The following COL5A1 variants were observed in gnomAD, a reference collection of about 807,000 sequenced individuals.
The protein encoded by COL5A1 is collagen alpha-1(V) chain.
Under a neutral mutation model 263.7 loss-of-function variants are expected in COL5A1, and 16 were observed. The ratio of observed to expected loss-of-function variants is 0.06; its 90% CI spans 0.04 to 0.09. The LOEUF (loss-of-function observed/expected upper bound fraction) is 0.09. COL5A1 is among the 10% of genes least tolerant of loss of function. The pLI is 1.00. For missense variants in COL5A1, 2,036 were observed against 2,540.5 expected, an observed-to-expected ratio of 0.80 and a Z score of 4.27; for synonymous variants, 1,012 against 1,004.5, an observed-to-expected ratio of 1.01 and a Z score of -0.14.
intron 61 of COL5A1, 100 bp downstream of exon 61, chr9:134,823,569 A>C: frequency 3.9e-6 from 5 of 1,266,684 alleles, no homozygotes; most frequent in Admixed American, 3.6e-5. Context: ...CCTGAGACTC[A>C]TGAAGCCCAT....
chr9:134,751,003 A>C lies in COL5A1; in HGVS notation c.1662+121A>C, dbSNP rs1485830762. 27 of 872,580 alleles carry C rather than the reference A, an allele frequency of 3.1e-5. No individual in the cohort carries two copies. The Middle Eastern group carries it at 1.2e-3, about 39-fold the overall frequency. 54.1% of individuals were successfully genotyped at this position (872,580 alleles called of 1,614,324 possible). A position where few individuals can be genotyped will look rare whatever the true frequency, so the allele number is the denominator to read the frequency against. On this transcript the variant is annotated intron_variant, in intron 13 of 65. Coordinates refer to ENST00000371817, the MANE Select transcript of COL5A1 (RefSeq NM_000093.5). ...AGGGAAGCAGCTGTCTTGATCCCAG[A>C]ATGCCTGCTTGCTGGGGTCAGGAGC...
intron 1 of COL5A1, chr9:134,653,059 G>A (rs917550278): frequency 9.4e-6 from 2 of 213,064 alleles, no homozygotes; most frequent in East Asian, 1.4e-4. Flanking sequence ...GGGGAGAAGC[G>A]CTGGAGAGAA....
chr9:134,789,049 G>A lies in COL5A1; in HGVS notation c.2647-106G>A, dbSNP rs992150150. 1.3e-5 allele frequency: 13 copies of A among 984,700 alleles called. No homozygotes were observed. Among genetic ancestry groups the A allele is most frequent in the Non-Finnish European group, 1.9e-5 (12 of 629,596 alleles). 61.0% of individuals were successfully genotyped at this position (984,700 alleles called of 1,614,324 possible). A position where few individuals can be genotyped will look rare whatever the true frequency, so the allele number is the denominator to read the frequency against. On this transcript the variant is annotated intron_variant, in intron 31 of 65. Coordinates refer to ENST00000371817, the MANE Select transcript of COL5A1 (RefSeq NM_000093.5). This position sits in a 1 kb window ranked among gnomAD's most constrained non-coding sequence, Gnocchi z 4.8. ...TTGGGTGGGTGGGCAGGTGGAGTCT[G>A]GGGCAGAGGCTGTGCACTGGCATGC...
At chr9:134,819,416 G>T (rs776789850) in intron 57 of COL5A1, among the ~76,000 whole-genome samples, 10 of 152,240 alleles carry the variant, frequency 6.6e-5, no homozygotes, top group Non-Finnish European at 1.3e-4. Context: ...GGACATTTCT[G>T]CAGTGGGAGC....
At chr9:134,667,338 A>G (rs981820986) in intron 1 of COL5A1, among the ~76,000 whole-genome samples, 1 of 152,222 alleles carries the variant, frequency 6.6e-6, no homozygotes, top group African/African-American at 2.4e-5. Flanking sequence ...CCCTCTCAGG[A>G]TCAGTGGCTG....
chr9:134,703,577 C>T (rs1309904862), intron 4 of COL5A1, among the ~76,000 whole-genome samples: 1 of 148,286 alleles, frequency 6.7e-6, no homozygotes, highest in Non-Finnish European at 1.5e-5. Flanking sequence ...GCCTGTTGTT[C>T]TGTGGGTCGA....
chr9:134,833,258 G>A lies in COL5A1; in HGVS notation c.5137-1713G>A, dbSNP rs558851240. On this transcript the variant is annotated intron_variant, in intron 64 of 65. Transcript: ENST00000371817. ...GTGTCAGGTTTTTCAGAAACCTTGA[G>A]TTGGCAACAGAGATGCAAAAGTGAG... Among the ~76,000 whole-genome samples, 11 of 152,368 alleles carry A rather than the reference G, an allele frequency of 7.2e-5. No homozygotes were observed. In the South Asian group the frequency reaches 2.3e-3, roughly 32 times the overall value.
At chr9:134,659,571 C>G (rs1056287784) in intron 1 of COL5A1, among the ~76,000 whole-genome samples, 1 of 152,096 alleles carries the variant, frequency 6.6e-6, no homozygotes, top group Non-Finnish European at 1.5e-5. Flanking sequence ...GGTCTTCATC[C>G]CTGCAGTAGG....
At chr9:134,762,259 C>T (rs1264902954) in intron 19 of COL5A1, among the ~76,000 whole-genome samples, 1 of 152,242 alleles carries the variant, frequency 6.6e-6, no homozygotes, top group Non-Finnish European at 1.5e-5. Flanking sequence ...CTGCAGGATG[C>T]AGGTGCCCCA....
chr9:134,714,978 G>T (rs1834212243), intron 4 of COL5A1, among the ~76,000 whole-genome samples: 1 of 152,042 alleles, frequency 6.6e-6, no homozygotes, highest in South Asian at 2.1e-4. Flanking sequence ...TTCTCGTTGG[G>T]TGGGACGAGA....
chr9:134,828,989 C>T (rs1839450908), intron 63 of COL5A1, among the ~76,000 whole-genome samples: 1 of 151,240 alleles, frequency 6.6e-6, no homozygotes, highest in African/African-American at 2.5e-5. Context: ...CCCCCCACAC[C>T]ATGCACGCGC....
Position 134,789,459 on chromosome 9 carries a change from C to G in COL5A1, c.2700+251C>G, listed in dbSNP as rs1837594725. ...AAGTGTGCTGAGAAAATGGAGCTTT[C>G]TAATTAGCACCACAATCCAGAAGGC... On this transcript the variant is annotated intron_variant, in intron 32 of 65. Coordinates refer to ENST00000371817, the MANE Select transcript of COL5A1 (RefSeq NM_000093.5). The surrounding 1 kb of genome is among the most constrained non-coding windows in gnomAD (Gnocchi z 4.8). 6.6e-6 allele frequency among the ~76,000 whole-genome samples: 1 copy of G among 152,154 alleles called. No homozygotes were observed. The highest frequency in any genetic ancestry group is 2.1e-4 in the South Asian group (1 of 4,820).
Position 134,730,316 on chromosome 9 carries a change from C to T in COL5A1, c.1005C>T (p.Ile335=), listed in dbSNP as rs761397885. 48 of 1,614,120 alleles carry T rather than the reference C, an allele frequency of 3.0e-5. No homozygotes were observed. The highest frequency in any genetic ancestry group is 6.7e-5 in the Admixed American group (4 of 60,012). Residue 335 remains isoleucine, a synonymous_variant, in exon 7 of 66, where the codon ATC becomes ATT. Coordinates refer to ENST00000371817, the MANE Select transcript of COL5A1 (RefSeq NM_000093.5). ...EGAGKEEDVG[I]GDYDYVPSED... The stretch of plus-strand genomic sequence containing the variant: ...CTGGGAAGGAAGAGGACGTCGGCAT[C>T]GGGGACTATGACTACGTGCCCAGTG...
At chr9:134,802,156 C>G (rs535626229) in intron 38 of COL5A1, 149 bp downstream of exon 38, 10 of 808,500 alleles carry the variant, frequency 1.2e-5, no homozygotes, top group South Asian at 1.1e-4. Context: ...TGTTGGTCAG[C>G]GTGAGGCTCG....
chr9:134,762,550 C>T (rs896528974), intron 19 of COL5A1, among the ~76,000 whole-genome samples: 2 of 152,202 alleles, frequency 1.3e-5, no homozygotes, highest in Non-Finnish European at 1.5e-5. Flanking sequence ...TGTGTGGAGG[C>T]GAAGTGGGAT....
At chr9:134,814,948 G>A (rs1463210874) in intron 50 of COL5A1, 44 bp downstream of exon 50, 1 of 1,386,002 alleles carries the variant, frequency 7.2e-7, no homozygotes, top group East Asian at 2.5e-5. Context: ...AGCAGGGGCG[G>A]GGCTCTGCAC....
intron 1 of COL5A1, among the ~76,000 whole-genome samples, chr9:134,655,601 T>C (rs1831942998): frequency 6.6e-6 from 1 of 152,128 alleles, no homozygotes; most frequent in South Asian, 2.1e-4. Flanking sequence ...GCTATGGTCA[T>C]TACTATTACT....
chr9:134,763,582 G>A (rs1344917643), intron 19 of COL5A1, 111 bp from the exon 20 acceptor site: 3 of 1,083,874 alleles, frequency 2.8e-6, no homozygotes, highest in Non-Finnish European at 2.8e-6. Context: ...TGGTAAACCT[G>A]GCGTATGTGA....
At chr9:134,747,440 C>T (rs374002414) in intron 11 of COL5A1, among the ~76,000 whole-genome samples, 65 of 152,280 alleles carry the variant, frequency 4.3e-4, no homozygotes, top group Middle Eastern at 3.4e-3. Flanking sequence ...GACACACATG[C>T]ACACACATGC....
Sources: allele counts gnomAD v4.1 joint callset (sites outside exome capture counted in the v4.1 genomes callset), GRCh38; gene constraint gnomAD v4.1.1; non-coding constraint Gnocchi (gnomAD v3.1); transcripts MANE v1.5; gene names NCBI Gene and HGNC (gene_info 2026-07-23, HGNC 2026-07-21).